Variants in TTC21B observed in about 807,000 individuals in gnomAD.
The protein encoded by TTC21B is tetratricopeptide repeat domain 21B.
Under a neutral mutation model 175.1 loss-of-function variants are expected in TTC21B, and 127 were observed. The ratio of observed to expected loss-of-function variants is 0.73; its 90% confidence interval spans 0.63 to 0.84. TTC21B has a LOEUF of 0.84. TTC21B is among the 40% of genes least tolerant of loss of function. TTC21B has a pLI of 0.00. For missense variants in TTC21B, 1,561 were observed against 1,558.3 expected (o/e 1.00, Z -0.03); for synonymous variants, 524 against 524.5 (o/e 1.00, Z 0.01).
intron 17 of TTC21B, among the ~76,000 whole-genome samples, chr2:165,911,985 A>G (rs1024476574): frequency 6.6e-6 from 1 of 152,146 alleles, no homozygotes; most frequent in African/African-American, 2.4e-5. Context: ...ATTTCTTATG[A>G]TAAGTAGATA....
At chr2:165,876,424 A>G (rs2105275957) in intron 27 of TTC21B, among the ~76,000 whole-genome samples, 192 bp from the exon 28 acceptor site, 1 of 152,336 alleles carries the variant, frequency 6.6e-6, no homozygotes, top group East Asian at 1.9e-4. Flanking sequence ...TGTAAGAAGA[A>G]AAGAAAGTGG....
intron 8 of TTC21B, among the ~76,000 whole-genome samples, chr2:165,931,011 A>G (rs1574122471): frequency 6.6e-6 from 1 of 152,202 alleles, no homozygotes; most frequent in East Asian, 1.9e-4. Context: ...TTAGTAAAAA[A>G]CTAATTGAAA....
chr2:165,934,281 C>T (rs753197193), intron 6 of TTC21B, among the ~76,000 whole-genome samples: 18 of 150,076 alleles, frequency 1.2e-4, no homozygotes, highest in Non-Finnish European at 2.1e-4. Context: ...CAGTCAAGAG[C>T]GAAAAAAAGA....
intron 1 of TTC21B, among the ~76,000 whole-genome samples, chr2:165,953,214 T>C (rs1454866031): frequency 6.6e-6 from 1 of 152,216 alleles, no homozygotes; most frequent in Non-Finnish European, 1.5e-5. Context: ...GAGTCAGTGA[T>C]AAACAGAGAA....
At chr2:165,892,134 G>C (rs574636865) in intron 22 of TTC21B, among the ~76,000 whole-genome samples, 7 of 152,098 alleles carry the variant, frequency 4.6e-5, no homozygotes, top group South Asian at 4.2e-4. Context: ...TCTTTATAGT[G>C]GTGTCTTTTA....
intron 16 of TTC21B, among the ~76,000 whole-genome samples, chr2:165,913,311 C>A (rs1056459368): frequency 6.6e-6 from 1 of 152,144 alleles, no homozygotes; most frequent in Non-Finnish European, 1.5e-5. Flanking sequence ...CAGGCATGAA[C>A]CACCGTGCCT....
chr2:165,928,514 C>T (rs1381498123), intron 11 of TTC21B, among the ~76,000 whole-genome samples: 2 of 152,076 alleles, frequency 1.3e-5, no homozygotes, highest in Admixed American at 6.6e-5. Flanking sequence ...ATCAGATTCA[C>T]ACACAGAATT....
rs1245090776 is a variant in TTC21B at position 165,907,708 on chromosome 2, T to C, written c.2538A>G (p.Lys846=). ...LLAKVYSKME[K]LGDAITALQQ... ...GTAATGCAGTGATCGCATCACCAAG[T>C]TTTTCCATTTTACTATAAACTTTTG... Residue 846 remains lysine (K), a synonymous_variant, in exon 19 of 29, where the codon AAA becomes AAG. Transcript: ENST00000243344. 1.6e-5 allele frequency: 25 copies of C among 1,612,678 alleles called. No individual in the cohort carries two copies. Among genetic ancestry groups the C allele is most frequent in the Non-Finnish European group, 2.0e-5 (24 of 1,179,466 alleles).
intron 28 of TTC21B, 111 bp from the exon 29 acceptor site, chr2:165,874,943 A>C: frequency 1.1e-6 from 1 of 886,986 alleles, no homozygotes; most frequent in Non-Finnish European, 1.8e-6. Flanking sequence ...TTGTACTAAT[A>C]CTACAACAGC....
intron 28 of TTC21B, among the ~76,000 whole-genome samples, chr2:165,875,853 C>T (rs1426062298): frequency 6.6e-6 from 1 of 151,398 alleles, no homozygotes; most frequent in Admixed American, 6.6e-5. Context: ...TTTACTCCAC[C>T]TCTTTAATCC....
chr2:165,953,611 G>A (rs1485437191), intron 1 of TTC21B, 74 bp downstream of exon 1: 79 of 1,536,470 alleles, frequency 5.1e-5, no homozygotes, highest in Middle Eastern at 2.3e-4. Flanking sequence ...CTCCCTCCGC[G>A]CCCCCGGGCC....
chr2:165,929,366 C>T, intron 10 of TTC21B, 31 bp from the exon 11 acceptor site: 1 of 1,534,206 alleles, frequency 6.5e-7, no homozygotes, highest in Non-Finnish European at 9.0e-7. Context: ...ATAAATTATT[C>T]CATTTAGTTA....
intron 11 of TTC21B, among the ~76,000 whole-genome samples, chr2:165,928,008 C>G (rs1055947557): frequency 1.3e-5 from 2 of 152,176 alleles, no homozygotes; most frequent in African/African-American, 2.4e-5. Context: ...TATCTGCTTA[C>G]TATCTGTAAT....
At chr2:165,922,509 T>C (rs1013508553) in intron 12 of TTC21B, among the ~76,000 whole-genome samples, 1 of 143,596 alleles carries the variant, frequency 7.0e-6, no homozygotes, top group African/African-American at 2.6e-5. Flanking sequence ...GAAATGTAAA[T>C]TAAAACTATA....
rs373698754 is a variant in TTC21B at position 165,933,692 on chromosome 2, A to T, written c.711-635T>A. Among the ~76,000 whole-genome samples, 25 of 152,316 alleles carry T rather than the reference A, an allele frequency of 1.6e-4. No homozygotes were observed. The South Asian group carries it at 5.2e-3, about 32-fold the overall frequency. ...GGTACATATCACAATTACTGGTTCCAGTTTTTCAACCCTCCCTGAGTACGT... is the reference window on the plus strand; with the variant it reads ...GGTACATATCACAATTACTGGTTCCTGTTTTTCAACCCTCCCTGAGTACGT... On this transcript the variant is annotated intron_variant, in intron 6 of 28. Coordinates refer to ENST00000243344, the MANE Select transcript of TTC21B (RefSeq NM_024753.5).
intron 26 of TTC21B, among the ~76,000 whole-genome samples, chr2:165,881,584 T>G (rs1684837251): frequency 6.6e-6 from 1 of 152,110 alleles, no homozygotes; most frequent in Non-Finnish European, 1.5e-5. Flanking sequence ...TGCATCCTTG[T>G]GGTGTTTATA....
In TTC21B at chr2:165,874,775, G is replaced by A. The variant is rs200605660; in HGVS notation, c.3931C>T (p.Arg1311Cys). 52 of 1,613,492 alleles carry A rather than the reference G, an allele frequency of 3.2e-5. No homozygotes were observed. Among genetic ancestry groups the A allele is most frequent in the Middle Eastern group, 1.6e-4 (1 of 6,074 alleles). The change falls in exon 29 of 29, where the codon CGT (arginine) becomes TGT (cysteine). Residue 1311 changes from arginine to cysteine, a missense_variant. Arg to Cys is a radical substitution (Grantham distance 180, BLOSUM62 -3). Transcript: ENST00000243344. Reference sequence around the variant, plus strand: ...TATTTTCAAGGTCTTAAAGACGCACGGGCCTTATCAAGTATATCCTTTCTG... The same window carrying A: ...TATTTTCAAGGTCTTAAAGACGCACAGGCCTTATCAAGTATATCCTTTCTG... ...KIRKDILDKARASLRP is the reference protein window; with the variant it reads ...KIRKDILDKACASLRP
At chr2:165,891,809 A>C (rs1392869364) in intron 22 of TTC21B, among the ~76,000 whole-genome samples, 1 of 152,110 alleles carries the variant, frequency 6.6e-6, no homozygotes, top group Non-Finnish European at 1.5e-5. Context: ...AGAAAAAAAA[A>C]ATCACCATAT....
In TTC21B at chr2:165,915,200, C is replaced by A. The variant is rs1686119579; in HGVS notation, c.2138+1G>T. 9.3e-6 allele frequency: 15 copies of A among 1,607,110 alleles called. No homozygotes were observed. The highest frequency in any genetic ancestry group is 1.3e-5 in the Non-Finnish European group (15 of 1,173,786). On this transcript the variant is annotated splice_donor_variant, in intron 15 of 28. Transcript: ENST00000243344. LOFTEE classifies it high-confidence loss of function. ...TATAATGGGTTAAGACAATTACTTA[C>A]CTAAAACAAGTGATATATAACATTT...
Sources: allele counts gnomAD v4.1 joint callset (sites outside exome capture counted in the v4.1 genomes callset), GRCh38; gene constraint gnomAD v4.1.1; transcripts MANE v1.5; gene names NCBI Gene and HGNC (gene_info 2026-07-23, HGNC 2026-07-21).